The following RFC4 variants were observed in gnomAD, a reference collection of about 807,000 sequenced individuals.
RFC4 encodes A1 37 kDa subunit.
In RFC4, 38 loss-of-function variants were observed where a neutral mutation model predicts 47.6. The ratio of observed to expected loss-of-function variants is 0.80; its 90% CI spans 0.62 to 1.05. The LOEUF (loss-of-function observed/expected upper bound fraction) is 1.05. Ranked by LOEUF, RFC4 falls within the 50% of genes least tolerant of loss-of-function variation. The pLI, the probability that RFC4 is intolerant of heterozygous loss-of-function variation, is 0.00. For synonymous variants in RFC4, 164 were observed against 150.0 expected (o/e 1.09, Z -0.68); for missense variants, 489 against 434.0 (o/e 1.13, Z -1.13).
At chr3:186,797,857 T>G (rs980544088) in intron 3 of RFC4, among the ~76,000 whole-genome samples, 1 of 152,260 alleles carries the variant, frequency 6.6e-6, no homozygotes, top group Non-Finnish European at 1.5e-5. Flanking sequence ...GAACCAATAT[T>G]TATGCTTGCT....
chr3:186,803,082 C>T (rs1333467224), intron 2 of RFC4, among the ~76,000 whole-genome samples: 1 of 152,174 alleles, frequency 6.6e-6, no homozygotes, highest in East Asian at 1.9e-4. Context: ...GTGACTCACG[C>T]CTGTAATCCC....
intron 2 of RFC4, chr3:186,801,458 A>G: frequency 2.4e-6 from 1 of 423,070 alleles, no homozygotes; most frequent in Non-Finnish European, 4.2e-6. Flanking sequence ...AAGAAAAAGG[A>G]TTTTATTTTA....
intron 3 of RFC4, among the ~76,000 whole-genome samples, chr3:186,800,699 T>C (rs1722333748): frequency 6.6e-6 from 1 of 152,196 alleles, no homozygotes; most frequent in Admixed American, 6.5e-5. Context: ...ATCCTAAAGT[T>C]AGTAAGCAAT....
At chr3:186,792,720 C>T (rs1722168313) in intron 6 of RFC4, 84 bp downstream of exon 6, 7 of 1,549,622 alleles carry the variant, frequency 4.5e-6, no homozygotes, top group South Asian at 1.2e-5. Flanking sequence ...ATTAATGTAG[C>T]CTTGAAAATC....
At chr3:186,790,500 TC>T in intron 8 of RFC4, 94 bp from the exon 9 acceptor site, 1 of 858,154 alleles carries the variant, frequency 1.2e-6, no homozygotes, top group Non-Finnish European at 2.0e-6. Flanking sequence ...TCATTTCTGT[TC>T]CACACCTAAG....
chr3:186,790,287 T>C (rs370695903), intron 9 of RFC4, 32 bp from the exon 10 acceptor site: 14 of 1,610,650 alleles, frequency 8.7e-6, no homozygotes, highest in Non-Finnish European at 1.1e-5. Context: ...GTATGATGAC[T>C]TAATATTCCT....
intron 8 of RFC4, among the ~76,000 whole-genome samples, chr3:186,790,848 A>G (rs557858986): frequency 6.6e-6 from 1 of 152,304 alleles, no homozygotes; most frequent in South Asian, 2.1e-4. Flanking sequence ...CAGAAAATTA[A>G]AGAGGATTAG....
chr3:186,804,225 T>C (rs529868438), intron 2 of RFC4, among the ~76,000 whole-genome samples: 4 of 152,218 alleles, frequency 2.6e-5, no homozygotes, highest in Middle Eastern at 3.4e-3. Context: ...CCTATTGTAA[T>C]GAGAAGAAGG....
intron 3 of RFC4, among the ~76,000 whole-genome samples, chr3:186,799,918 A>G (rs568773148): frequency 6.6e-6 from 1 of 152,268 alleles, no homozygotes; most frequent in East Asian, 1.9e-4. Context: ...ATTAAAAGGT[A>G]TAAGAGTATT....
intron 9 of RFC4, 34 bp from the exon 10 acceptor site, chr3:186,790,289 A>C: frequency 6.2e-7 from 1 of 1,610,480 alleles, no homozygotes; most frequent in Non-Finnish European, 8.5e-7. Flanking sequence ...ATGATGACTT[A>C]ATATTCCTTT....
At chr3:186,805,951 C>T (rs1477681736) in intron 1 of RFC4, among the ~76,000 whole-genome samples, 3 of 152,210 alleles carry the variant, frequency 2.0e-5, no homozygotes, top group Admixed American at 2.0e-4. Context: ...TTCCACAGGA[C>T]AACTGAGTTA....
intron 3 of RFC4, among the ~76,000 whole-genome samples, chr3:186,800,217 G>A (rs1259254990): frequency 1.3e-5 from 2 of 152,054 alleles, no homozygotes; most frequent in African/African-American, 2.4e-5. Context: ...TCAGCCTCCC[G>A]AAACGCTAGG....
At chr3:186,797,696 G>C in intron 3 of RFC4, 82 bp from the exon 4 acceptor site, 1 of 952,472 alleles carries the variant, frequency 1.0e-6, no homozygotes, top group East Asian at 2.5e-5. Flanking sequence ...AATGTCTGTG[G>C]AATAGTGCAA....
chr3:186,797,845 C>T (rs1722274174), intron 3 of RFC4, among the ~76,000 whole-genome samples: 1 of 152,166 alleles, frequency 6.6e-6, no homozygotes, highest in Admixed American at 6.5e-5. Context: ...ATCTCTTAAG[C>T]TGAACCAATA....
chr3:186,790,076 AT>A lies in RFC4; in HGVS notation c.997-13del, dbSNP rs761522779. On this transcript the variant is annotated splice_polypyrimidine_tract_variant and intron_variant, in intron 10 of 10. Coordinates refer to ENST00000296273, the MANE Select transcript of RFC4 (RefSeq NM_002916.5). ...CATTTGTCAACTTCCTACGAGAAAA[AT>A]TTAAGAAATTAGCATCCTTCAGGTA... The A allele has an allele frequency of 1.6e-5, 25 of 1,611,328 alleles. No homozygotes were observed. The East Asian group carries it at 5.1e-4, about 33-fold the overall frequency.
rs56354557 is a variant in RFC4, at chr3:186,791,784, C to T, written c.742G>A (p.Ala248Thr). 2,913 of 1,610,052 alleles carry T rather than the reference C, an allele frequency of 1.8e-3. 35 individuals carry two copies. In the African/African-American group the frequency reaches 0.036, roughly 20 times the overall value. ...TCCTTTCCACCTGTTAATCGAGTAG[C>T]GCTTTGAAGAAATGTAATGGCTTTT... ...LRKAITFLQS[A>T]TRLTGGKEIT... The change falls in exon 8 of 11, where the codon GCT becomes ACT. Residue 248 changes from alanine (A) to threonine (T), a missense_variant. By Grantham distance (58) the Ala-to-Thr change is moderately conservative. This residue lies in a region of RFC4 where 283 missense variants were observed against 176.2 expected (regional missense o/e 1.61). Transcript: ENST00000296273.
intron 4 of RFC4, among the ~76,000 whole-genome samples, chr3:186,795,565 C>T (rs1324442495): frequency 1.3e-5 from 2 of 152,036 alleles, no homozygotes; most frequent in African/African-American, 4.8e-5. Flanking sequence ...GAGGCCGAGG[C>T]GGGTGGATCA....
At chr3:186,797,649 A>G in intron 3 of RFC4, 35 bp from the exon 4 acceptor site, 1 of 1,412,620 alleles carries the variant, frequency 7.1e-7, no homozygotes, top group Non-Finnish European at 1.0e-6. Flanking sequence ...AATAAATGGT[A>G]TTCTGGCACA....
chr3:186,800,694 AAAGT>A (rs1722333569), intron 3 of RFC4, among the ~76,000 whole-genome samples: 2 of 152,202 alleles, frequency 1.3e-5, no homozygotes, highest in South Asian at 4.1e-4. Flanking sequence ...TCCAAATCCT[AAAGT>A]TAGTAAGCAA....
Sources: gnomAD v4.1 joint callset for allele counts (sites outside exome capture counted in the v4.1 genomes callset) on GRCh38, gnomAD v4.1.1 for gene constraint, gnomAD v4.1.1 regional missense constraint, MANE v1.5 for transcripts, NCBI Gene and HGNC (gene_info 2026-07-23, HGNC 2026-07-21) for gene names.